The following ZW10 variants were observed in gnomAD, a reference collection of about 807,000 sequenced individuals.
ZW10 encodes the protein zw10 kinetochore protein.
ZW10 carries 53 observed loss-of-function variants against 87.8 expected under a neutral mutation model. The observed-to-expected ratio is 0.60, with a 90% CI of 0.48 to 0.76. The LOEUF (loss-of-function observed/expected upper bound fraction) is 0.76, where lower values mean the gene tolerates loss of function less well. Ranked by LOEUF, ZW10 falls within the 30% of genes least tolerant of loss-of-function variation. The pLI, the probability that ZW10 is intolerant of heterozygous loss-of-function variation, is 0.00. For synonymous variants in ZW10, 312 were observed against 329.2 expected (o/e 0.95, Z 0.57); for missense variants, 837 against 923.0 (o/e 0.91, Z 1.21).
chr11:113,752,991 T>C (rs989545814), intron 7 of ZW10, among the ~76,000 whole-genome samples: 4 of 152,228 alleles, frequency 2.6e-5, no homozygotes, highest in Non-Finnish European at 5.9e-5. Flanking sequence ...GTGTAAACAT[T>C]ACTTTTATTT....
chr11:113,749,752 C>T (rs150497584), intron 7 of ZW10, among the ~76,000 whole-genome samples: 5 of 152,308 alleles, frequency 3.3e-5, no homozygotes, highest in Admixed American at 1.3e-4. Context: ...CCATTAAACA[C>T]AATTTCATTG....
At chr11:113,760,957 C>A in intron 2 of ZW10, 39 bp from the exon 3 acceptor site, 4 of 1,523,938 alleles carry the variant, frequency 2.6e-6, no homozygotes, top group Non-Finnish European at 3.6e-6. Context: ...TTAAGCTATA[C>A]CATACCTAAG....
At chr11:113,737,807 G>T in intron 13 of ZW10, 104 bp from the exon 14 acceptor site, 1 of 1,319,952 alleles carries the variant, frequency 7.6e-7, no homozygotes, top group Non-Finnish European at 1.0e-6. Context: ...GTGGCATTAT[G>T]CCAAAATGAG....
intron 2 of ZW10, among the ~76,000 whole-genome samples, chr11:113,764,117 G>C (rs755588698): frequency 2.0e-4 from 30 of 152,166 alleles, no homozygotes; most frequent in Middle Eastern, 3.2e-3. Context: ...CTGAATAGCA[G>C]ATCCTTTCCC....
At chr11:113,763,328 T>A (rs1156735011) in intron 2 of ZW10, among the ~76,000 whole-genome samples, 5 of 152,228 alleles carry the variant, frequency 3.3e-5, no homozygotes, top group African/African-American at 1.2e-4. Context: ...AATAAACATA[T>A]GTGTGCATGT....
intron 10 of ZW10, 38 bp downstream of exon 10, chr11:113,743,764 C>T (rs779017649): frequency 1.3e-6 from 2 of 1,522,906 alleles, no homozygotes; most frequent in East Asian, 2.3e-5. Flanking sequence ...TGCATTTAAC[C>T]AAGTCATTGC....
At chr11:113,735,238 T>C (rs1953536913) in intron 15 of ZW10, among the ~76,000 whole-genome samples, 1 of 152,234 alleles carries the variant, frequency 6.6e-6, no homozygotes, top group Non-Finnish European at 1.5e-5. Context: ...TGTACTAGTG[T>C]TATAATTTTT....
In ZW10 at chr11:113,744,279, C is replaced by T. The variant is rs191375711; in HGVS notation, c.1273-239G>A. On this transcript the variant is annotated intron_variant, in intron 9 of 15. Transcript: ENST00000200135. The stretch of plus-strand genomic sequence containing the variant: ...GCGTGCGCCTGTAGTCCCAGCTACT[C>T]GGGAGGCTGAGGCAGGAGAATGGCG... Among the ~76,000 whole-genome samples, 535 of 152,034 alleles carry T rather than the reference C, an allele frequency of 3.5e-3. 4 individuals are homozygous for T. The highest frequency in any genetic ancestry group is 0.012 in the African/African-American group (495 of 41,472).
rs1235387305 is a variant in ZW10 at position 113,757,083 on chromosome 11, C to T, written c.925+579G>A. Among the ~76,000 whole-genome samples the T allele has an allele frequency of 2.0e-5, 3 of 147,222 alleles. No individual in the cohort carries two copies. In the East Asian group the frequency reaches 5.9e-4, roughly 29 times the overall value. On this transcript the variant is annotated intron_variant, in intron 7 of 15. Transcript: ENST00000200135. ...TTCAATATGACAGCTGAGAAAAGCA[C>T]ATAGAAGGTAAATCAAATAGACTTA... is the stretch of plus-strand genomic sequence containing the variant.
intron 15 of ZW10, among the ~76,000 whole-genome samples, chr11:113,736,419 T>A (rs1953553807): frequency 6.6e-6 from 1 of 152,168 alleles, no homozygotes; most frequent in South Asian, 2.1e-4. Context: ...GGATGAGAAG[T>A]CTTTATGCTA....
At chr11:113,757,888 C>A in intron 6 of ZW10, 35 bp from the exon 7 acceptor site, 1 of 1,536,136 alleles carries the variant, frequency 6.5e-7, no homozygotes, top group South Asian at 1.2e-5. Flanking sequence ...CAAAAAATCA[C>A]CATAAGACAC....
At chr11:113,760,728 A>C (rs1953849778) in intron 3 of ZW10, 89 bp downstream of exon 3, 10 of 1,317,022 alleles carry the variant, frequency 7.6e-6, no homozygotes, top group South Asian at 5.4e-5. Flanking sequence ...ATATGAAGAC[A>C]AAAAAACCCA....
chr11:113,770,775 G>A (rs905131316), intron 1 of ZW10, among the ~76,000 whole-genome samples: 1 of 149,198 alleles, frequency 6.7e-6, no homozygotes, highest in Admixed American at 6.7e-5. Flanking sequence ...CCAATAACTC[G>A]CCACTGCATT....
At position 113,739,326 on chromosome 11, in the gene ZW10, T is replaced by C; in HGVS notation, c.1640A>G (p.Tyr547Cys). ...LAAIHHNNCM[Y>C]IAHHLLTLGH... ...GAGGGTCAGCAAGTGGTGAGCAATG[T>C]ACATACAGTTGTTGTGATGAATAGC... Residue 547 changes from tyrosine (Y) to cysteine (C), a missense_variant, in exon 12 of 16, where the codon TAC becomes TGC. By Grantham distance (194) the Tyr-to-Cys change is radical (BLOSUM62 -2). Coordinates refer to ENST00000200135, the MANE Select transcript of ZW10 (RefSeq NM_004724.4). 1 of 1,612,206 alleles carries C rather than the reference T, an allele frequency of 6.2e-7. No individual in the cohort carries two copies. Among genetic ancestry groups the C allele is most frequent in the Non-Finnish European group, 8.5e-7 (1 of 1,179,206 alleles).
intron 5 of ZW10, among the ~76,000 whole-genome samples, chr11:113,759,928 T>C (rs1953839206): frequency 6.6e-6 from 1 of 152,148 alleles, no homozygotes; most frequent in Admixed American, 6.5e-5. Flanking sequence ...TCATCTCCTC[T>C]AGCACACTCT....
intron 9 of ZW10, among the ~76,000 whole-genome samples, chr11:113,745,667 T>C (rs1324428868): frequency 2.0e-5 from 3 of 152,124 alleles, no homozygotes; most frequent in Non-Finnish European, 1.5e-5. Flanking sequence ...GGTGACTTCA[T>C]GAGGAGGGGC....
At chr11:113,746,679 C>A (rs1953681120) in intron 9 of ZW10, among the ~76,000 whole-genome samples, 1 of 151,996 alleles carries the variant, frequency 6.6e-6, no homozygotes, top group African/African-American at 2.4e-5. Flanking sequence ...TCAGAAAGTA[C>A]TTTTTAAAAA....
intron 7 of ZW10, 27 bp downstream of exon 7, chr11:113,757,635 T>A: frequency 7.3e-7 from 1 of 1,378,948 alleles, no homozygotes; most frequent in Non-Finnish European, 9.5e-7. Context: ...TTCCAAAATA[T>A]AAAAGCACTG....
At position 113,733,830 on chromosome 11, in the gene ZW10, T is replaced by TA. The variant is rs759679512; in HGVS notation, c.2220-17dup. The TA allele has an allele frequency of 1.3e-6, 2 of 1,586,996 alleles. No individual in the cohort carries two copies. The highest frequency in any genetic ancestry group is 2.3e-5 in the South Asian group (2 of 87,144). Reference sequence around the variant, plus strand: ...ATCTGCCCACCTGCAAAACGAAAGATAGAGTTCCATTTCCTATTAGGTCTC... The same window carrying TA: ...ATCTGCCCACCTGCAAAACGAAAGATAAGAGTTCCATTTCCTATTAGGTCTC... On this transcript the variant is annotated splice_polypyrimidine_tract_variant and intron_variant, in intron 15 of 15. Transcript: ENST00000200135.
Sources: allele counts gnomAD v4.1 joint callset (sites outside exome capture counted in the v4.1 genomes callset), GRCh38; gene constraint gnomAD v4.1.1; transcripts MANE v1.5; gene names NCBI Gene and HGNC (gene_info 2026-07-23, HGNC 2026-07-21).